TRIP12: variants seen among roughly 807,000 people sequenced by gnomAD.
The protein encoded by TRIP12 is E3 ubiquitin-protein ligase TRIP12.
A neutral mutation model predicts 244.2 loss-of-function variants in TRIP12; 25 were observed. The ratio of observed to expected loss-of-function variants is 0.10; its 90% CI spans 0.07 to 0.14. TRIP12 has a LOEUF of 0.14. TRIP12 is among the 10% of genes least tolerant of loss of function. The pLI is 1.00. For synonymous variants in TRIP12, 905 were observed against 873.1 expected, an observed-to-expected ratio of 1.04 and a Z score of -0.64; for missense variants, 1,677 against 2,486.4, an observed-to-expected ratio of 0.67 and a Z score of 6.92.
intron 1 of TRIP12, among the ~76,000 whole-genome samples, chr2:229,903,236 A>T (rs2071591403): frequency 6.6e-6 from 1 of 152,118 alleles, no homozygotes. Flanking sequence ...CTTGCTGCTT[A>T]GAATGGCAGA....
intron 4 of TRIP12, among the ~76,000 whole-genome samples, chr2:229,849,888 A>C (rs541603063): frequency 6.6e-6 from 1 of 151,922 alleles, no homozygotes; most frequent in Non-Finnish European, 1.5e-5. Context: ...AACACTGCAC[A>C]TAAGTGTTGA....
chr2:229,815,051 T>C lies in TRIP12; in HGVS notation c.1731+48A>G. On this transcript the variant is annotated intron_variant, in intron 11 of 41. Coordinates refer to ENST00000675903, the MANE Select transcript of TRIP12 (RefSeq NM_001348323.3). The stretch of plus-strand genomic sequence containing the variant: ...AGCTAAAATTCAAGAGTTTGAAACT[T>C]GACTCCCTATGCCTGCTTTTGAACA... 10 of 1,417,440 alleles carry C rather than the reference T, an allele frequency of 7.1e-6. No individual in the cohort carries two copies. The South Asian group carries it at 8.9e-5, about 13-fold the overall frequency. 87.8% of individuals were successfully genotyped at this position (1,417,440 alleles called of 1,614,324 possible). A position where few individuals can be genotyped will look rare whatever the true frequency, so the allele number is the denominator to read the frequency against.
At chr2:229,922,584 A>AC (rs759116467), upstream of TRIP12, 1 of 1,613,968 alleles carries the variant, frequency 6.2e-7, no homozygotes, top group Admixed American at 1.7e-5. Context: ...AAAGACTATT[A>AC]CCAGTTACTG....
chr2:229,896,293 T>C (rs2154365874), intron 1 of TRIP12, among the ~76,000 whole-genome samples: 1 of 152,212 alleles, frequency 6.6e-6, no homozygotes, highest in Non-Finnish European at 1.5e-5. Flanking sequence ...AAATATACTG[T>C]TTTACTTTGT....
chr2:229,798,633 G>A lies in TRIP12; in HGVS notation c.3482+242C>T, dbSNP rs73099257. On this transcript the variant is annotated intron_variant, in intron 23 of 41. Transcript: ENST00000675903. The stretch of plus-strand genomic sequence containing the variant: ...CAAGGAATACAATGTGGTTTTGAAC[G>A]TATAAGACTTTCAGCTAGGTATGCT... Among the ~76,000 whole-genome samples the A allele has an allele frequency of 4.5e-3, 678 of 152,252 alleles. 6 individuals carry two copies. The highest frequency in any genetic ancestry group is 0.016 in the African/African-American group (654 of 41,550).
chr2:229,893,516 T>C (rs562342378), intron 1 of TRIP12, among the ~76,000 whole-genome samples: 38 of 152,020 alleles, frequency 2.5e-4, no homozygotes, highest in Non-Finnish European at 4.9e-4. Context: ...TACCATTGTC[T>C]TGCCTATTCT....
Position 229,765,228 on chromosome 2 carries a change from C to T in TRIP12, c.*2326G>A, listed in dbSNP as rs1317672637. ...AGCAAAAAATAAAGGACAACAAAAT[C>T]TCAGTTGTTACCCAACTAAGTGTTT... On this transcript the variant is annotated 3_prime_UTR_variant, in exon 42 of 42. Transcript: ENST00000675903. 1 of 152,198 alleles carries T rather than the reference C, an allele frequency of 6.6e-6. No individual in the cohort carries two copies. Among genetic ancestry groups the T allele is most frequent in the Non-Finnish European group, 1.5e-5 (1 of 68,032 alleles). 9.4% of individuals were successfully genotyped at this position (152,198 alleles called of 1,614,324 possible). A position where few individuals can be genotyped will look rare whatever the true frequency, so the allele number is the denominator to read the frequency against.
Position 229,766,060 on chromosome 2 carries a change from A to C in TRIP12, c.*1494T>G, listed in dbSNP as rs893959622. The C allele has an allele frequency of 6.6e-6, 1 of 152,208 alleles. No individual in the cohort carries two copies. Among genetic ancestry groups the C allele is most frequent in the Non-Finnish European group, 1.5e-5 (1 of 68,036 alleles). The allele number at this position is 152,208 out of a possible 1,614,324, so 9.4% of individuals were successfully genotyped here. A position where few individuals can be genotyped will look rare whatever the true frequency, so the allele number is the denominator to read the frequency against. ...AGGGAAAAGGGCTTTTGTGTCAATT[A>C]ATTAAAACTTACAGAACAGTCAAAA... On this transcript the variant is annotated 3_prime_UTR_variant, in exon 42 of 42. Coordinates refer to ENST00000675903, the MANE Select transcript of TRIP12 (RefSeq NM_001348323.3).
chr2:229,879,009 T>C (rs1404366516), intron 2 of TRIP12, among the ~76,000 whole-genome samples: 1 of 151,968 alleles, frequency 6.6e-6, no homozygotes. Context: ...TCCCAGCACT[T>C]TGGGAGGCCG....
chr2:229,787,710 C>A (rs1420648097), intron 32 of TRIP12, 49 bp from the exon 33 acceptor site: 2 of 1,426,436 alleles, frequency 1.4e-6, no homozygotes, highest in Non-Finnish European at 9.3e-7. Context: ...GAATCAGAAA[C>A]TACTAAAAAA....
At chr2:229,884,660 GA>G (rs2065633125) in intron 1 of TRIP12, among the ~76,000 whole-genome samples, 1 of 152,072 alleles carries the variant, frequency 6.6e-6, no homozygotes, top group East Asian at 1.9e-4. Flanking sequence ...TCAGAACACT[GA>G]AAGAAATCAC....
chr2:229,829,956 T>A (rs1355239870), intron 7 of TRIP12, among the ~76,000 whole-genome samples: 1 of 151,938 alleles, frequency 6.6e-6, no homozygotes. Flanking sequence ...CTCAAAACAA[T>A]CAAACAAACA....
intron 27 of TRIP12, 72 bp from the exon 28 acceptor site, chr2:229,792,298 C>A: frequency 5.9e-6 from 8 of 1,357,776 alleles, no homozygotes; most frequent in Non-Finnish European, 7.3e-6. Flanking sequence ...TGTATACACA[C>A]TGGTTAAACA....
intron 21 of TRIP12, among the ~76,000 whole-genome samples, chr2:229,801,752 AT>A (rs961979510): frequency 1.3e-5 from 2 of 152,352 alleles, no homozygotes; most frequent in African/African-American, 4.8e-5. Context: ...ATTTTCCCTT[AT>A]TAAAAGCAAA....
At chr2:229,836,059 C>A (rs960100992) in intron 6 of TRIP12, among the ~76,000 whole-genome samples, 1 of 152,178 alleles carries the variant, frequency 6.6e-6, no homozygotes, top group Non-Finnish European at 1.5e-5. Context: ...ACCTTCCTGG[C>A]AAACTATGAC....
chr2:229,898,846 C>G (rs928795346), intron 1 of TRIP12, among the ~76,000 whole-genome samples: 2 of 144,818 alleles, frequency 1.4e-5, no homozygotes, highest in African/African-American at 4.9e-5. Context: ...TGTGCCCCAC[C>G]GCATCCACCT....
chr2:229,876,225 C>T (rs1009760369), intron 2 of TRIP12, among the ~76,000 whole-genome samples: 3 of 151,920 alleles, frequency 2.0e-5, no homozygotes, highest in South Asian at 4.1e-4. Flanking sequence ...GCAGTGAGCC[C>T]GGATGATGCC....
In TRIP12 at chr2:229,858,000, T is replaced by C. The variant is rs567743027; in HGVS notation, c.1027+772A>G. 2.6e-5 allele frequency among the ~76,000 whole-genome samples: 4 copies of C among 152,330 alleles called. No individual in the cohort carries two copies. In the East Asian group the frequency reaches 7.7e-4, roughly 29 times the overall value. ...AGATATTACATATGAAAAAGTTTAA[T>C]TTACATTGAGGTATATTTATAGTAA... On this transcript the variant is annotated intron_variant, in intron 4 of 41. Transcript: ENST00000675903.
At chr2:229,895,320 T>C (rs2068506432) in intron 1 of TRIP12, among the ~76,000 whole-genome samples, 1 of 146,144 alleles carries the variant, frequency 6.8e-6, no homozygotes, top group African/African-American at 2.5e-5. Flanking sequence ...GAACAAAAGA[T>C]TAAAAATAAG....
Sources: allele counts gnomAD v4.1 joint callset (sites outside exome capture counted in the v4.1 genomes callset), GRCh38; gene constraint gnomAD v4.1.1; transcripts MANE v1.5; gene names NCBI Gene and HGNC (gene_info 2026-07-23, HGNC 2026-07-21).